Variants in ATP10A observed in about 807,000 individuals in gnomAD.
ATP10A encodes the protein ATPase phospholipid transporting 10A (putative).
ATP10A carries 111 observed loss-of-function variants against 147.8 expected under a neutral mutation model. The ratio of observed to expected loss-of-function variants is 0.75; its 90% CI spans 0.64 to 0.88. The LOEUF (loss-of-function observed/expected upper bound fraction) is 0.88. Among genes scored for constraint, ATP10A ranks in the 40% least tolerant of loss-of-function variants. The probability of loss-of-function intolerance (pLI) is 0.00; values close to 1 mark genes in which losing one functional copy is unlikely to be tolerated. For synonymous variants in ATP10A, 875 were observed against 841.6 expected, an observed-to-expected ratio of 1.04 and a Z score of -0.69; for missense variants, 1,927 against 1,959.0, an observed-to-expected ratio of 0.98 and a Z score of 0.31.
At chr15:25,794,635 C>T (rs1050098002) in intron 1 of ATP10A, among the ~76,000 whole-genome samples, 1 of 152,192 alleles carries the variant, frequency 6.6e-6, no homozygotes, top group African/African-American at 2.4e-5. Context: ...GGCTTGGAAG[C>T]CGACGTCAAT....
intron 2 of ATP10A, among the ~76,000 whole-genome samples, chr15:25,775,472 A>G (rs1889557922): frequency 6.6e-6 from 1 of 152,208 alleles, no homozygotes; most frequent in Non-Finnish European, 1.5e-5. Context: ...CCGCCTTGGC[A>G]TCACTGCTGA....
intron 1 of ATP10A, among the ~76,000 whole-genome samples, chr15:25,828,021 T>C (rs1200911650): frequency 2.0e-5 from 3 of 151,978 alleles, no homozygotes; most frequent in African/African-American, 7.2e-5. Context: ...GAACAAAAAA[T>C]AGACTTTAAA....
At chr15:25,780,711 A>C (rs184190263) in intron 2 of ATP10A, among the ~76,000 whole-genome samples, 2 of 152,194 alleles carry the variant, frequency 1.3e-5, no homozygotes, top group Non-Finnish European at 2.9e-5. Flanking sequence ...ACAGCTAGGT[A>C]CGTGTTGACC....
At position 25,703,038 on chromosome 15, in the gene ATP10A, C is replaced by T. The variant is rs561986591; in HGVS notation, c.2576-938G>A. On this transcript the variant is annotated intron_variant, in intron 12 of 20. Coordinates refer to ENST00000555815, the MANE Select transcript of ATP10A (RefSeq NM_024490.4). ...GATGAGGTCATGAGGATGGGGCTCC[C>T]TCGATGGGATCAGTGTCCTTATAAA... 2.7e-4 allele frequency among the ~76,000 whole-genome samples: 41 copies of T among 152,182 alleles called. 1 individual carries two copies. In the East Asian group the frequency reaches 7.6e-3, roughly 28 times the overall value.
intron 2 of ATP10A, 116 bp from the exon 3 acceptor site, chr15:25,736,257 C>T: frequency 1.3e-6 from 1 of 768,716 alleles, no homozygotes; most frequent in Non-Finnish European, 2.3e-6. Context: ...GGGAAGAACT[C>T]TGCCTATGAA....
At chr15:25,715,916 T>A (rs1178438675) in intron 9 of ATP10A, among the ~76,000 whole-genome samples, 1 of 152,168 alleles carries the variant, frequency 6.6e-6, no homozygotes, top group Non-Finnish European at 1.5e-5. Flanking sequence ...TCCATATGCA[T>A]ATCACGCTTC....
chr15:25,835,343 C>G (rs897717991), intron 1 of ATP10A, among the ~76,000 whole-genome samples: 3 of 152,162 alleles, frequency 2.0e-5, no homozygotes, highest in African/African-American at 4.8e-5. Context: ...CTCCCAGATA[C>G]TCAAATATAT....
chr15:25,801,651 G>A (rs993758243), intron 1 of ATP10A, among the ~76,000 whole-genome samples: 14 of 152,262 alleles, frequency 9.2e-5, no homozygotes, highest in Middle Eastern at 3.4e-3. Context: ...GGACAGCTTC[G>A]CTTCAGGAAA....
At chr15:25,770,996 C>T (rs942614559) in intron 2 of ATP10A, among the ~76,000 whole-genome samples, 12 of 152,116 alleles carry the variant, frequency 7.9e-5, no homozygotes, top group African/African-American at 2.9e-4. Flanking sequence ...AGGTAGAGGT[C>T]GTTCAGGGGA....
intron 1 of ATP10A, among the ~76,000 whole-genome samples, chr15:25,795,164 C>T (rs574157086): frequency 2.0e-5 from 3 of 152,218 alleles, no homozygotes; most frequent in South Asian, 2.1e-4. Flanking sequence ...CTTATGTGAC[C>T]GCGCAAGCAT....
At chr15:25,835,233 T>C (rs1892540214) in intron 1 of ATP10A, among the ~76,000 whole-genome samples, 1 of 152,186 alleles carries the variant, frequency 6.6e-6, no homozygotes, top group African/African-American at 2.4e-5. Flanking sequence ...ATCATGCCCC[T>C]GCACTCCAGC....
downstream of ATP10A, among the ~76,000 whole-genome samples, chr15:25,675,933 G>A (rs8040301): frequency 6.6e-6 from 1 of 151,916 alleles, no homozygotes; most frequent in African/African-American, 2.4e-5. Context: ...GCAACAGAAT[G>A]AGACCCCGTT....
intron 1 of ATP10A, among the ~76,000 whole-genome samples, chr15:25,821,142 A>G (rs1014487968): frequency 5.3e-5 from 8 of 152,250 alleles, no homozygotes; most frequent in African/African-American, 1.9e-4. Flanking sequence ...GCTCATGCCT[A>G]CAATCCCAGC....
In ATP10A at chr15:25,727,192, G is replaced by A. The variant is rs1280281587; in HGVS notation, c.815C>T (p.Thr272Met). 1 of 1,614,156 alleles carries A rather than the reference G, an allele frequency of 6.2e-7. No individual in the cohort carries two copies. The highest frequency in any genetic ancestry group is 8.5e-7 in the Non-Finnish European group (1 of 1,180,030). ...LLLRGCTLRN[T>M]DAVVGIVIYA... ...GATGACAATGCCGACGACTGCGTCC[G>A]TGTTCCTAAGGGTGCAGCCCCTCAG... is the stretch of plus-strand genomic sequence containing the variant. Residue 272 changes from threonine to methionine, a missense_variant, in exon 4 of 21, where the codon ACG (threonine) becomes ATG (methionine). By Grantham distance (81) the Thr-to-Met change is moderately conservative. Coordinates refer to ENST00000555815, the MANE Select transcript of ATP10A (RefSeq NM_024490.4).
chr15:25,840,991 T>A (rs777348863), intron 1 of ATP10A, among the ~76,000 whole-genome samples: 3 of 152,200 alleles, frequency 2.0e-5, no homozygotes, highest in Non-Finnish European at 4.4e-5. Context: ...CAGGATTCAT[T>A]GTTTTGTTAA....
At chr15:25,756,989 G>A (rs536841580) in intron 2 of ATP10A, among the ~76,000 whole-genome samples, 1 of 152,212 alleles carries the variant, frequency 6.6e-6, no homozygotes, top group Non-Finnish European at 1.5e-5. Context: ...GAGTAAATTA[G>A]GTACATTCAA....
Position 25,679,259 on chromosome 15 carries a change from C to T in ATP10A, c.*82G>A, listed in dbSNP as rs1596668355. 9.4e-7 allele frequency: 1 copy of T among 1,067,768 alleles called. No homozygotes were observed. Among genetic ancestry groups the T allele is most frequent in the Non-Finnish European group, 1.2e-6 (1 of 835,532 alleles). 66.1% of individuals were successfully genotyped at this position (1,067,768 alleles called of 1,614,324 possible). On this transcript the variant is annotated 3_prime_UTR_variant, in exon 21 of 21. Transcript: ENST00000555815. ...GGGAAACATTTAGAAATACATCTCC[C>T]TAGAACTCTTCTGTGCAAATAATAA... is the stretch of plus-strand genomic sequence containing the variant.
intron 1 of ATP10A, among the ~76,000 whole-genome samples, chr15:25,857,840 G>A (rs1893582691): frequency 6.6e-6 from 1 of 152,176 alleles, no homozygotes; most frequent in Non-Finnish European, 1.5e-5. Context: ...TCCTAACAGT[G>A]TGACCTTAGG....
rs538617767 is a variant in ATP10A, at chr15:25,852,639, T to C, written c.449+10009A>G. On this transcript the variant is annotated intron_variant, in intron 1 of 20. Coordinates refer to ENST00000555815, the MANE Select transcript of ATP10A (RefSeq NM_024490.4). ...CAGGTTTTTATTAACTGAATTCATA[T>C]TGTGGGAAGAAAAACTGAAGTCTGT... 3.0e-4 allele frequency among the ~76,000 whole-genome samples: 46 copies of C among 152,316 alleles called. 1 individual carries two copies. Among genetic ancestry groups the C allele is most frequent in the African/African-American group, 1.1e-3 (44 of 41,580 alleles).
Sources: allele counts gnomAD v4.1 joint callset (sites outside exome capture counted in the v4.1 genomes callset), GRCh38; gene constraint gnomAD v4.1.1; transcripts MANE v1.5; gene names NCBI Gene and HGNC (gene_info 2026-07-23, HGNC 2026-07-21).